EXOC4: variants seen among roughly 807,000 people sequenced by gnomAD.
EXOC4 encodes the protein exocyst complex component 4.
EXOC4 carries 71 observed loss-of-function variants against 107.2 expected under a neutral mutation model. The ratio of observed to expected loss-of-function variants is 0.66; its 90% CI spans 0.55 to 0.81. EXOC4 has a LOEUF of 0.81. EXOC4 is among the 30% of genes least tolerant of loss of function. The pLI, the probability that EXOC4 is intolerant of heterozygous loss-of-function variation, is 0.00. For synonymous variants in EXOC4, 456 were observed against 441.2 expected (o/e 1.03, Z -0.42); for missense variants, 1,108 against 1,189.6 (o/e 0.93, Z 1.01).
chr7:133,884,262 C>T (rs531205985), intron 11 of EXOC4, among the ~76,000 whole-genome samples: 2 of 152,198 alleles, frequency 1.3e-5, no homozygotes, highest in South Asian at 2.1e-4. Flanking sequence ...CCAGTGGGGG[C>T]GGGCTGGGCA....
intron 11 of EXOC4, among the ~76,000 whole-genome samples, chr7:133,853,772 C>G (rs1012274958): frequency 3.9e-5 from 6 of 152,080 alleles, no homozygotes; most frequent in Admixed American, 2.6e-4. Context: ...AGGAATGTCT[C>G]TATAGTGATC....
chr7:133,377,965 CT>C (rs1796526083), intron 7 of EXOC4, among the ~76,000 whole-genome samples: 1 of 151,742 alleles, frequency 6.6e-6, no homozygotes. Context: ...TTCAAATGAA[CT>C]AAAACTTAAA....
At chr7:133,436,048 G>T (rs1163939315) in intron 7 of EXOC4, among the ~76,000 whole-genome samples, 5 of 142,750 alleles carry the variant, frequency 3.5e-5, no homozygotes, top group Admixed American at 7.0e-5. Flanking sequence ...TTATCTCAGT[G>T]TTTTTTTTTT....
intron 12 of EXOC4, among the ~76,000 whole-genome samples, chr7:133,915,250 AT>A (rs1217114868): frequency 5.9e-5 from 9 of 152,036 alleles, no homozygotes; most frequent in African/African-American, 2.2e-4. Context: ...TCATTCATTC[AT>A]TCATTCATTC....
At chr7:133,866,219 C>T (rs1303662493) in intron 11 of EXOC4, among the ~76,000 whole-genome samples, 4 of 152,082 alleles carry the variant, frequency 2.6e-5, no homozygotes, top group African/African-American at 9.7e-5. Flanking sequence ...TAAGGGAAAT[C>T]GAGCGACTTC....
intron 17 of EXOC4, among the ~76,000 whole-genome samples, chr7:134,037,895 G>A (rs547419939): frequency 5.9e-5 from 9 of 152,212 alleles, no homozygotes; most frequent in South Asian, 2.1e-4. Flanking sequence ...ATAAGATAGC[G>A]ATCCTCAGCA....
At chr7:133,822,399 G>A (rs1289193951) in intron 11 of EXOC4, among the ~76,000 whole-genome samples, 1 of 151,754 alleles carries the variant, frequency 6.6e-6, no homozygotes, top group Non-Finnish European at 1.5e-5. Context: ...AGAGCGAGGG[G>A]ACTAATGCTT....
At chr7:133,945,169 C>T (rs534209912) in intron 14 of EXOC4, among the ~76,000 whole-genome samples, 23 of 152,236 alleles carry the variant, frequency 1.5e-4, no homozygotes, top group Admixed American at 3.3e-4. Context: ...GGCTACACCC[C>T]AGACCAATCA....
chr7:133,981,311 C>T (rs1272242117), intron 14 of EXOC4, among the ~76,000 whole-genome samples: 1 of 152,108 alleles, frequency 6.6e-6, no homozygotes, highest in Non-Finnish European at 1.5e-5. Flanking sequence ...GTCTCGATGG[C>T]TCTCAGATTT....
At chr7:133,494,817 A>G (rs1441220023) in intron 9 of EXOC4, among the ~76,000 whole-genome samples, 1 of 152,202 alleles carries the variant, frequency 6.6e-6, no homozygotes, top group Non-Finnish European at 1.5e-5. Flanking sequence ...TTAGGCAAGT[A>G]TAATGCCCAA....
At chr7:133,552,305 T>G (rs1800605759) in intron 9 of EXOC4, among the ~76,000 whole-genome samples, 1 of 152,192 alleles carries the variant, frequency 6.6e-6, no homozygotes, top group South Asian at 2.1e-4. Context: ...ACATTGCATC[T>G]TAAATATTTT....
chr7:134,024,914 C>A (rs1377827710), intron 17 of EXOC4, among the ~76,000 whole-genome samples: 3 of 152,308 alleles, frequency 2.0e-5, no homozygotes, highest in South Asian at 4.1e-4. Context: ...GGCAGCAGAG[C>A]AAGACCTGGT....
intron 9 of EXOC4, among the ~76,000 whole-genome samples, chr7:133,574,952 AC>A (rs1384480587): frequency 6.6e-6 from 1 of 152,224 alleles, no homozygotes; most frequent in East Asian, 1.9e-4. Flanking sequence ...TGTTTGTGAA[AC>A]AGATGACCTG....
At chr7:133,374,747 A>G in intron 6 of EXOC4, 81 bp from the exon 7 acceptor site, 2 of 1,121,254 alleles carry the variant, frequency 1.8e-6, no homozygotes, top group South Asian at 3.1e-5. Context: ...CTTTAGTTTG[A>G]TGTTTTTCTT....
intron 9 of EXOC4, among the ~76,000 whole-genome samples, chr7:133,613,237 C>T (rs1258911320): frequency 6.6e-6 from 1 of 152,038 alleles, no homozygotes; most frequent in Non-Finnish European, 1.5e-5. Context: ...TGGTGCCATT[C>T]ACAGTAGAAA....
intron 9 of EXOC4, among the ~76,000 whole-genome samples, chr7:133,601,522 C>A (rs1385474971): frequency 6.6e-6 from 1 of 152,154 alleles, no homozygotes. Flanking sequence ...TGGACATGAT[C>A]TTTATAAATA....
chr7:133,742,261 C>G (rs1387918793), intron 10 of EXOC4, among the ~76,000 whole-genome samples: 1 of 152,004 alleles, frequency 6.6e-6, no homozygotes, highest in Non-Finnish European at 1.5e-5. Flanking sequence ...GCTAGCTAGC[C>G]CTTGAGAAAG....
chr7:133,795,221 A>T (rs1446636482), intron 10 of EXOC4, among the ~76,000 whole-genome samples: 1 of 152,164 alleles, frequency 6.6e-6, no homozygotes, highest in Non-Finnish European at 1.5e-5. Flanking sequence ...AACCACAACC[A>T]TGAAAATATA....
At chr7:133,509,989 G>A (rs377638007) in intron 9 of EXOC4, among the ~76,000 whole-genome samples, 1 of 152,076 alleles carries the variant, frequency 6.6e-6, no homozygotes, top group East Asian at 1.9e-4. Context: ...TTATTGAGGC[G>A]TAATTACAGA....
Sources: gnomAD v4.1 joint callset for allele counts (sites outside exome capture counted in the v4.1 genomes callset) on GRCh38, gnomAD v4.1.1 for gene constraint, MANE v1.5 for transcripts, NCBI Gene and HGNC (gene_info 2026-07-23, HGNC 2026-07-21) for gene names.